Variants in STOML3 observed in about 807,000 individuals in gnomAD.
STOML3 encodes the protein stomatin like 3.
In STOML3, 31 loss-of-function variants were observed where a neutral mutation model predicts 29.5. The ratio of observed to expected loss-of-function variants is 1.05; its 90% confidence interval spans 0.79 to 1.42. The LOEUF is 1.42. Ranked by LOEUF, STOML3 falls within the 40% of genes most tolerant of loss-of-function variation. The pLI, the probability that STOML3 is intolerant of heterozygous loss-of-function variation, is 0.00. For synonymous variants in STOML3, 122 were observed against 139.8 expected, an observed-to-expected ratio of 0.87 and a Z score of 0.90; for missense variants, 380 against 363.0, an observed-to-expected ratio of 1.05 and a Z score of -0.38.
intron 5 of STOML3, among the ~76,000 whole-genome samples, chr13:38,969,552 C>A (rs529720025): frequency 1.2e-4 from 18 of 152,270 alleles, no homozygotes; most frequent in African/African-American, 4.1e-4. Context: ...CAAGAAGAAC[C>A]AAAGCTGAAT....
chr13:38,977,750 A>ATTTTTTTTTTTTTTTTTTGTTTTT (rs1881131652), intron 1 of STOML3, among the ~76,000 whole-genome samples: 1 of 84,186 alleles, frequency 1.2e-5, no homozygotes, highest in Admixed American at 1.8e-4. Flanking sequence ...AAGTCTCCGG[A>ATTTTTTTTTTTTTTTTTTGTTTTT]TTTTTTTTTT....
In STOML3 at chr13:38,978,342, C is replaced by CG. The variant is rs1298884912; in HGVS notation, c.53-1546dup. ...CTAATTTTTGTATTTTTAGTAGAGA[C>CG]GGGGTTTCGCCATGTTGGCCAGGCT... On this transcript the variant is annotated intron_variant, in intron 1 of 6. Coordinates refer to ENST00000379631, the MANE Select transcript of STOML3 (RefSeq NM_145286.3). Among the ~76,000 whole-genome samples, 5 of 151,784 alleles carry CG rather than the reference C, an allele frequency of 3.3e-5. No homozygotes were observed. In the East Asian group the frequency reaches 5.9e-4, roughly 18 times the overall value.
intron 1 of STOML3, among the ~76,000 whole-genome samples, chr13:38,990,002 T>C (rs1163041771): frequency 6.6e-6 from 1 of 152,128 alleles, no homozygotes; most frequent in Non-Finnish European, 1.5e-5. Context: ...TGCTCAGTTT[T>C]CTCATTTGTA....
At chr13:38,973,096 TAAAAAAAAAAAAAAAA>T (rs71074495) in intron 3 of STOML3, among the ~76,000 whole-genome samples, 149 of 32,576 alleles carry the variant, frequency 4.6e-3, no homozygotes, top group African/African-American at 0.018. Context: ...CCGTCTCTAC[TAAAAAAAAAAAAAAAA>T]AAAAAAAAAA....
chr13:38,975,173 T>C (rs1881024743), intron 3 of STOML3, among the ~76,000 whole-genome samples: 1 of 151,752 alleles, frequency 6.6e-6, no homozygotes. Flanking sequence ...CTACAAAAAT[T>C]AGCCGCTTAT....
At chr13:38,989,854 A>G (rs1053202167) in intron 1 of STOML3, among the ~76,000 whole-genome samples, 2 of 152,062 alleles carry the variant, frequency 1.3e-5, no homozygotes, top group African/African-American at 4.8e-5. Flanking sequence ...TCTAACATGT[A>G]CTATGGCTTT....
chr13:38,978,331 T>C (rs1296503516), intron 1 of STOML3, among the ~76,000 whole-genome samples: 1 of 151,990 alleles, frequency 6.6e-6, no homozygotes, highest in African/African-American at 2.4e-5. Context: ...TTTTTGTATT[T>C]TTAGTAGAGA....
At position 38,990,809 on chromosome 13, in the gene STOML3, G is replaced by A. The variant is rs898332356; in HGVS notation, c.-88C>T. On this transcript the variant is annotated 5_prime_UTR_variant, in exon 1 of 7. Coordinates refer to ENST00000379631, the MANE Select transcript of STOML3 (RefSeq NM_145286.3). ...ACAGGCAGCAACTCAGATGTGCTTG[G>A]GAGAGGGGAGAGGAGAAAGTATGAG... is the stretch of plus-strand genomic sequence containing the variant. 2 of 1,164,486 alleles carry A rather than the reference G, an allele frequency of 1.7e-6. No individual in the cohort carries two copies. The highest frequency in any genetic ancestry group is 2.5e-6 in the Non-Finnish European group (2 of 785,466). The allele number at this position is 1,164,486 out of a possible 1,614,324, so 72.1% of individuals were successfully genotyped here.
chr13:38,980,210 C>A (rs936350881), intron 1 of STOML3: 6 of 1,421,224 alleles, frequency 4.2e-6, no homozygotes, highest in Non-Finnish European at 4.8e-6. Flanking sequence ...ACCCAGGCCG[C>A]GGCTTCTGGG....
At chr13:38,969,645 A>G (rs1281760700) in intron 5 of STOML3, among the ~76,000 whole-genome samples, 1 of 152,188 alleles carries the variant, frequency 6.6e-6, no homozygotes, top group Non-Finnish European at 1.5e-5. Context: ...ATTCTTGTCC[A>G]TAAACTCGTG....
chr13:38,984,077 A>G (rs1926474), intron 1 of STOML3, among the ~76,000 whole-genome samples: 41,110 of 151,846 alleles, frequency 0.27, 6,840 homozygotes, highest in African/African-American at 0.47. Flanking sequence ...CAACACAGCC[A>G]CAACCACAAG....
At chr13:38,971,038 C>CTT (rs754830596) in intron 4 of STOML3, among the ~76,000 whole-genome samples, 5 of 148,096 alleles carry the variant, frequency 3.4e-5, no homozygotes, top group African/African-American at 1.2e-4. Flanking sequence ...TGAATTCTTT[C>CTT]TTTTTTTTTT....
rs749663006 is a variant in STOML3 at position 38,976,799 on chromosome 13, T to A, written c.53-2A>T. On this transcript the variant is annotated splice_acceptor_variant, in intron 1 of 6. Transcript: ENST00000379631. LOFTEE classifies it high-confidence loss of function. ...CACCAAGCCGTTTATTGTTGACACC[T>A]AGGAAATGAGAAGGAAGCAAATATG... The A allele has an allele frequency of 7.4e-6, 12 of 1,612,094 alleles. No individual in the cohort carries two copies. Among genetic ancestry groups the A allele is most frequent in the Non-Finnish European group, 1.0e-5 (12 of 1,178,782 alleles).
At chr13:38,971,379 G>A (rs531642257) in intron 4 of STOML3, among the ~76,000 whole-genome samples, 6 of 152,168 alleles carry the variant, frequency 3.9e-5, no homozygotes, top group Non-Finnish European at 7.4e-5. Context: ...TAAGTGACAT[G>A]AAGACATCAT....
intron 3 of STOML3, among the ~76,000 whole-genome samples, chr13:38,973,754 G>T (rs1213070755): frequency 6.6e-6 from 1 of 152,132 alleles, no homozygotes; most frequent in Admixed American, 6.6e-5. Context: ...AAAATGACAT[G>T]ATCTGGTATT....
intron 6 of STOML3, 92 bp from the exon 7 acceptor site, chr13:38,967,141 C>A (rs1880687630): frequency 5.2e-6 from 6 of 1,153,078 alleles, no homozygotes; most frequent in Non-Finnish European, 7.2e-6. Flanking sequence ...ACCCCTCTCC[C>A]CAGCCCCCAT....
In STOML3 at chr13:38,990,798, A is replaced by G; in HGVS notation, c.-77T>C. 7.2e-7 allele frequency: 1 copy of G among 1,392,442 alleles called. No individual in the cohort carries two copies. The highest frequency in any genetic ancestry group is 1.7e-5 in the Admixed American group (1 of 58,824). The allele number at this position is 1,392,442 out of a possible 1,614,324, so 86.3% of individuals were successfully genotyped here. On this transcript the variant is annotated 5_prime_UTR_variant, in exon 1 of 7. Coordinates refer to ENST00000379631, the MANE Select transcript of STOML3 (RefSeq NM_145286.3). ...AAGTGTGAAGAACAGGCAGCAACTC[A>G]GATGTGCTTGGGAGAGGGGAGAGGA...
At chr13:38,972,438 T>C (rs1021143115) in intron 4 of STOML3, 74 bp downstream of exon 4, 2 of 1,463,412 alleles carry the variant, frequency 1.4e-6, no homozygotes, top group Admixed American at 1.7e-5. Flanking sequence ...AAGTGAACTA[T>C]AAAATTGTAA....
chr13:38,966,874 A>C lies in STOML3; in HGVS notation c.827T>G (p.Ile276Ser), dbSNP rs757930954. 6.2e-7 allele frequency: 1 copy of C among 1,613,366 alleles called. No homozygotes were observed. The highest frequency in any genetic ancestry group is 8.5e-7 in the Non-Finnish European group (1 of 1,179,938). Residue 276 changes from isoleucine to serine, a missense_variant, in exon 7 of 7, where the codon ATT becomes AGT. By Grantham distance (142) the Ile-to-Ser change is moderately radical (BLOSUM62 -2). Transcript: ENST00000379631. ...GTGGTTATCATAGCTGACGCCACCA[A>C]TGCCCTCTAGTATATTCATGGGCAG... ...FPLPMNILEG[I>S]GGVSYDNHKK...
Sources: gnomAD v4.1 joint callset for allele counts (sites outside exome capture counted in the v4.1 genomes callset) on GRCh38, gnomAD v4.1.1 for gene constraint, MANE v1.5 for transcripts, NCBI Gene and HGNC (gene_info 2026-07-23, HGNC 2026-07-21) for gene names.